Variants in CADM1 observed in about 807,000 individuals in gnomAD.
CADM1 encodes the protein TSLC-1.
A neutral mutation model predicts 53.1 loss-of-function variants in CADM1; 15 were observed. The ratio of observed to expected loss-of-function variants is 0.28; its 90% CI spans 0.19 to 0.44. The LOEUF is 0.44. Among genes scored for constraint, CADM1 ranks in the 20% least tolerant of loss-of-function variants. The pLI, the probability that CADM1 is intolerant of heterozygous loss-of-function variation, is 1.00. For missense variants in CADM1, 434 were observed against 611.3 expected, an observed-to-expected ratio of 0.71 and a Z score of 3.06; for synonymous variants, 281 against 243.0, an observed-to-expected ratio of 1.16 and a Z score of -1.45.
At position 115,289,846 on chromosome 11, in the gene CADM1, C is replaced by T. The variant is rs546080250; in HGVS notation, c.125-49426G>A. 1.9e-3 allele frequency among the ~76,000 whole-genome samples: 284 copies of T among 152,172 alleles called. 1 individual carries two copies. The highest frequency in any genetic ancestry group is 6.6e-3 in the African/African-American group (272 of 41,526). On this transcript the variant is annotated intron_variant, in intron 1 of 11. Transcript: ENST00000331581. ...TCCTGACCTCGTGATCCGCCCGCCT[C>T]GGCCTCCCAAAGTGCTGGGATTACA...
chr11:115,232,013 T>TAACAACAACAAC (rs1555045692), intron 3 of CADM1, among the ~76,000 whole-genome samples: 116 of 146,966 alleles, frequency 7.9e-4, no homozygotes, highest in African/African-American at 2.7e-3. Flanking sequence ...ATAATAATAA[T>TAACAACAACAAC]AACAACAACA....
In CADM1 at chr11:115,326,666, C is replaced by A. The variant is rs141285062; in HGVS notation, c.125-86246G>T. Reference sequence around the variant, plus strand: ...TTCCTAGCTCTGTTTTGCTCAGCACCCATATCTGCACATTTAGTACTAAAT... The same window carrying A: ...TTCCTAGCTCTGTTTTGCTCAGCACACATATCTGCACATTTAGTACTAAAT... On this transcript the variant is annotated intron_variant, in intron 1 of 11. Transcript: ENST00000331581. Among the ~76,000 whole-genome samples, 796 of 152,210 alleles carry A rather than the reference C, an allele frequency of 5.2e-3. 10 individuals carry two copies. The highest frequency in any genetic ancestry group is 0.018 in the African/African-American group (743 of 41,534).
In CADM1 at chr11:115,171,968, T is replaced by C. The variant is rs1177398145; in HGVS notation, c.*4506A>G. ...AACCTTCTATCGTTTTAGTCACCAT[T>C]TGCCTCTATCCTGTGACTGACATGT... On this transcript the variant is annotated 3_prime_UTR_variant, in exon 12 of 12. Coordinates refer to ENST00000331581, the MANE Select transcript of CADM1 (RefSeq NM_001301043.2). 6.6e-6 allele frequency: 1 copy of C among 152,272 alleles called. No homozygotes were observed. Among genetic ancestry groups the C allele is most frequent in the Non-Finnish European group, 1.5e-5 (1 of 68,072 alleles). 9.4% of individuals were successfully genotyped at this position (152,272 alleles called of 1,614,324 possible). A position where few individuals can be genotyped will look rare whatever the true frequency, so the allele number is the denominator to read the frequency against.
At chr11:115,402,373 A>T (rs1042871970) in intron 1 of CADM1, among the ~76,000 whole-genome samples, 8 of 152,102 alleles carry the variant, frequency 5.3e-5, no homozygotes, top group Admixed American at 5.2e-4. Flanking sequence ...AAATACAAAA[A>T]TTAGCTGGGT....
At chr11:115,426,849 G>T (rs1220741748) in intron 1 of CADM1, among the ~76,000 whole-genome samples, 2 of 152,164 alleles carry the variant, frequency 1.3e-5, no homozygotes, top group Non-Finnish European at 2.9e-5. Context: ...AGCAGGAAGA[G>T]GCATGTGATG....
intron 1 of CADM1, among the ~76,000 whole-genome samples, chr11:115,339,253 A>G (rs1386694049): frequency 1.3e-5 from 2 of 152,080 alleles, no homozygotes; most frequent in African/African-American, 4.8e-5. Context: ...TAGAAATACC[A>G]TTTGACCCAG....
At chr11:115,458,776 T>A (rs1296023660) in intron 1 of CADM1, among the ~76,000 whole-genome samples, 1 of 152,024 alleles carries the variant, frequency 6.6e-6, no homozygotes, top group South Asian at 2.1e-4. Context: ...TAACAGGTCC[T>A]CCAGAATCAG....
chr11:115,176,233 G>C lies in CADM1; in HGVS notation c.*241C>G, dbSNP rs1364439980. Reference sequence around the variant, plus strand: ...AAATCCAAGTATCCAAGTTTGACTTGGTAGGAAGAAATAAAAATTAAACAA... The same window carrying C: ...AAATCCAAGTATCCAAGTTTGACTTCGTAGGAAGAAATAAAAATTAAACAA... On this transcript the variant is annotated 3_prime_UTR_variant, in exon 12 of 12. Coordinates refer to ENST00000331581, the MANE Select transcript of CADM1 (RefSeq NM_001301043.2). The C allele has an allele frequency of 3.2e-6, 4 of 1,263,296 alleles. No homozygotes were observed. Among genetic ancestry groups the C allele is most frequent in the Non-Finnish European group, 4.0e-6 (4 of 991,580 alleles). 78.3% of individuals were successfully genotyped at this position (1,263,296 alleles called of 1,614,324 possible). A position where few individuals can be genotyped will look rare whatever the true frequency, so the allele number is the denominator to read the frequency against.
In CADM1 at chr11:115,503,219, G is replaced by A. The variant is rs57344372; in HGVS notation, c.124+1052C>T. On this transcript the variant is annotated intron_variant, in intron 1 of 11. Transcript: ENST00000331581. ...CTCCGGCTCCCTTTTGTTAGCAAAA[G>A]CAAACACTGCCCTCTTCTTTCCCGA... 2.2e-3 allele frequency among the ~76,000 whole-genome samples: 334 copies of A among 152,344 alleles called. 1 individual carries two copies. The highest frequency in any genetic ancestry group is 7.8e-3 in the African/African-American group (323 of 41,592).
intron 1 of CADM1, chr11:115,399,107 G>T (rs1470266563): frequency 6.6e-6 from 1 of 152,050 alleles, no homozygotes; most frequent in East Asian, 1.9e-4. Context: ...GAGTAAATGA[G>T]GAAATAGAAG....
intron 1 of CADM1, among the ~76,000 whole-genome samples, chr11:115,473,358 CAA>C (rs964898875): frequency 3.9e-5 from 6 of 152,112 alleles, no homozygotes; most frequent in Non-Finnish European, 5.9e-5. Flanking sequence ...ACTCGGGAGG[CAA>C]AGGCGGGAGG....
chr11:115,440,124 T>C (rs1948276606), intron 1 of CADM1, among the ~76,000 whole-genome samples: 1 of 152,262 alleles, frequency 6.6e-6, no homozygotes, highest in East Asian at 1.9e-4. Context: ...CTTTAAAATT[T>C]CCATCCACAC....
At chr11:115,191,009 T>C in intron 9 of CADM1, 68 bp from the exon 10 acceptor site, 1 of 1,295,538 alleles carries the variant, frequency 7.7e-7, no homozygotes, top group Non-Finnish European at 1.1e-6. Context: ...ACTTAAGAAC[T>C]GAGGATGAAT....
intron 4 of CADM1, among the ~76,000 whole-genome samples, chr11:115,230,700 G>T (rs551275551): frequency 6.6e-6 from 1 of 152,196 alleles, no homozygotes; most frequent in South Asian, 2.1e-4. Context: ...TGAAGGAGCT[G>T]CCTTGTACTG....
At position 115,169,609 on chromosome 11, in the gene CADM1, A is replaced by G. The variant is rs1432435693; in HGVS notation, c.*6865T>C. On this transcript the variant is annotated 3_prime_UTR_variant, in exon 12 of 12. Coordinates refer to ENST00000331581, the MANE Select transcript of CADM1 (RefSeq NM_001301043.2). ...CCTCATCACTTTATTCTGGGAGAGG[A>G]GGTTAGAGAAAACAGGCCTAGAGAG... 2.2e-6 allele frequency: 1 copy of G among 456,604 alleles called. No individual in the cohort carries two copies. Among genetic ancestry groups the G allele is most frequent in the Non-Finnish European group, 4.4e-6 (1 of 226,946 alleles). 28.3% of individuals were successfully genotyped at this position (456,604 alleles called of 1,614,324 possible). A position where few individuals can be genotyped will look rare whatever the true frequency, so the allele number is the denominator to read the frequency against.
At position 115,275,346 on chromosome 11, in the gene CADM1, C is replaced by A. The variant is rs186115214; in HGVS notation, c.125-34926G>T. Among the ~76,000 whole-genome samples, 6 of 152,302 alleles carry A rather than the reference C, an allele frequency of 3.9e-5. No homozygotes were observed. The East Asian group carries it at 1.2e-3, about 30-fold the overall frequency. ...TTCAGGAGGCCTTACCTCACTCCAA[C>A]CTCCCTAGACAGGCTCGCGACTCAC... On this transcript the variant is annotated intron_variant, in intron 1 of 11. Coordinates refer to ENST00000331581, the MANE Select transcript of CADM1 (RefSeq NM_001301043.2).
intron 1 of CADM1, among the ~76,000 whole-genome samples, chr11:115,420,734 TA>T (rs1947733411): frequency 1.3e-5 from 2 of 152,182 alleles, no homozygotes. Context: ...ATTTGAGCTG[TA>T]AATCTTAATG....
intron 1 of CADM1, among the ~76,000 whole-genome samples, chr11:115,283,888 G>A (rs1591670126): frequency 6.6e-6 from 1 of 152,150 alleles, no homozygotes; most frequent in African/African-American, 2.4e-5. Context: ...ACAGAGGCTT[G>A]CCCACCTTGT....
chr11:115,324,436 C>T (rs565304705), intron 1 of CADM1, among the ~76,000 whole-genome samples: 1 of 152,246 alleles, frequency 6.6e-6, no homozygotes, highest in South Asian at 2.1e-4. Context: ...TAAGTCAGCA[C>T]TAGTACTTTT....
Sources: allele counts gnomAD v4.1 joint callset (sites outside exome capture counted in the v4.1 genomes callset), GRCh38; gene constraint gnomAD v4.1.1; transcripts MANE v1.5; gene names NCBI Gene and HGNC (gene_info 2026-07-23, HGNC 2026-07-21).